Variants in GREB1L observed in about 807,000 individuals in gnomAD.
GREB1L encodes the protein GREB1-like protein.
GREB1L carries 17 observed loss-of-function variants against 200.8 expected under a neutral mutation model. The ratio of observed to expected loss-of-function variants is 0.08; its 90% CI spans 0.06 to 0.13. The LOEUF (loss-of-function observed/expected upper bound fraction) is 0.13. Among genes scored for constraint, GREB1L ranks in the 10% least tolerant of loss-of-function variants. The pLI, the probability that GREB1L is intolerant of heterozygous loss-of-function variation, is 1.00. For missense variants in GREB1L, 1,657 were observed against 2,367.7 expected (o/e 0.70, Z 6.23); for synonymous variants, 789 against 893.0 (o/e 0.88, Z 2.08).
At chr18:21,355,821 A>G (rs999567307) in intron 1 of GREB1L, among the ~76,000 whole-genome samples, 10 of 152,266 alleles carry the variant, frequency 6.6e-5, no homozygotes, top group African/African-American at 2.4e-4. Context: ...ACCTCCCCTT[A>G]TAATCTTCTT....
Position 21,518,086 on chromosome 18 carries a change from A to G in GREB1L, c.5324A>G (p.Asp1775Gly). 1.3e-6 allele frequency: 2 copies of G among 1,551,578 alleles called. No individual in the cohort carries two copies. Among genetic ancestry groups the G allele is most frequent in the Non-Finnish European group, 1.7e-6 (2 of 1,146,914 alleles). ...ILPLQYICAP[D>G]SEHTLLAAPA... is the part of the protein sequence containing the mutation. ...CCCCTTCAATACATCTGTGCTCCCG[A>G]CAGTGAACACACACTACTGGCAGCC... is the stretch of plus-strand genomic sequence containing the variant. Residue 1775 changes from aspartate to glycine, a missense_variant, in exon 31 of 33, where the codon GAC (aspartate) becomes GGC (glycine). By Grantham distance (94) the Asp-to-Gly change is moderately conservative. Coordinates refer to ENST00000424526, the MANE Select transcript of GREB1L (RefSeq NM_001142966.3).
intron 1 of GREB1L, among the ~76,000 whole-genome samples, chr18:21,364,772 TG>T (rs1171833267): frequency 6.6e-6 from 1 of 151,876 alleles, no homozygotes; most frequent in Non-Finnish European, 1.5e-5. Flanking sequence ...ACAGGTGAAG[TG>T]TGCAGCACGT....
At position 21,505,473 on chromosome 18, in the gene GREB1L, C is replaced by T. The variant is rs2036975654; in HGVS notation, c.4134C>T (p.Ser1378=). The change falls in exon 24 of 33, where the codon AGC becomes AGT. Residue 1378 remains serine (S), a synonymous_variant. Transcript: ENST00000424526. Reference sequence around the variant, plus strand: ...GAGAGCCCTGGCCTGACATCGAGAGCTTCAGTAAAATGCCTTTTGATGTCA... The same window carrying T: ...GAGAGCCCTGGCCTGACATCGAGAGTTTCAGTAAAATGCCTTTTGATGTCA... ...SEGEPWPDIE[S]FSKMPFDVSV... is the part of the protein sequence containing the mutation. 6.4e-7 allele frequency: 1 copy of T among 1,551,604 alleles called. No homozygotes were observed.
chr18:21,260,930 G>A (rs2037880081), intron 1 of GREB1L, among the ~76,000 whole-genome samples: 1 of 151,750 alleles, frequency 6.6e-6, no homozygotes, highest in Admixed American at 6.6e-5. Flanking sequence ...TTATACTAAA[G>A]AAAGAAAACC....
At chr18:21,324,524 GCTT>G (rs2038994287) in intron 1 of GREB1L, among the ~76,000 whole-genome samples, 1 of 152,170 alleles carries the variant, frequency 6.6e-6, no homozygotes, top group Non-Finnish European at 1.5e-5. Flanking sequence ...ATTAAAAAAT[GCTT>G]CTGGCCGGGT....
rs2145362012 is a variant in GREB1L at position 21,447,146 on chromosome 18, G to A, written c.1394-2364G>A. 2.0e-5 allele frequency among the ~76,000 whole-genome samples: 3 copies of A among 152,270 alleles called. 1 individual carries two copies. In the South Asian group the frequency reaches 6.2e-4, roughly 32 times the overall value. ...AAAGGCTGAGGATGAGGTACTGGGT[G>A]TGGTGGCTCACGCTTGTAATCTCAG... On this transcript the variant is annotated intron_variant, in intron 11 of 32. Coordinates refer to ENST00000424526, the MANE Select transcript of GREB1L (RefSeq NM_001142966.3).
At chr18:21,268,522 T>TAC (rs773384876) in intron 1 of GREB1L, among the ~76,000 whole-genome samples, 3,377 of 64,740 alleles carry the variant, frequency 0.052, 102 homozygotes, top group Non-Finnish European at 0.075. Context: ...TATATATATA[T>TAC]ACACACACAC....
At chr18:21,468,130 A>G (rs2035339833) in intron 15 of GREB1L, among the ~76,000 whole-genome samples, 1 of 152,226 alleles carries the variant, frequency 6.6e-6, no homozygotes, top group Non-Finnish European at 1.5e-5. Context: ...AAAAAAGCAG[A>G]AAAACCCAAA....
At chr18:21,305,853 C>G (rs1232369262) in intron 1 of GREB1L, among the ~76,000 whole-genome samples, 2 of 152,174 alleles carry the variant, frequency 1.3e-5, no homozygotes, top group Non-Finnish European at 2.9e-5. Flanking sequence ...TCATTCCCAG[C>G]TAGGGGCTTT....
At chr18:21,340,378 C>T (rs2039250929) in intron 1 of GREB1L, among the ~76,000 whole-genome samples, 1 of 149,684 alleles carries the variant, frequency 6.7e-6, no homozygotes, top group South Asian at 2.2e-4. Context: ...TGAGATTGTG[C>T]CACTGCACTC....
chr18:21,450,999 T>C, intron 12 of GREB1L, 24 bp from the exon 13 acceptor site: 1 of 1,549,978 alleles, frequency 6.5e-7, no homozygotes, highest in African/African-American at 1.4e-5. Flanking sequence ...TGATGAGTCT[T>C]CTCTTCTCTC....
chr18:21,454,446 G>A lies in GREB1L; in HGVS notation c.2065G>A (p.Ala689Thr), dbSNP rs907525283. The A allele has an allele frequency of 4.5e-6, 7 of 1,551,544 alleles. No individual in the cohort carries two copies. The highest frequency in any genetic ancestry group is 6.1e-6 in the Non-Finnish European group (7 of 1,146,918). The change falls in exon 15 of 33, where the codon GCG (alanine) becomes ACG (threonine). Residue 689 changes from alanine to threonine, a missense_variant. Physicochemically the swap from Ala to Thr is moderately conservative, Grantham distance 58. Around this residue, in one of 9 missense-constraint regions of GREB1L, gnomAD observed 239 missense variants for 421.8 expected, o/e 0.57. Transcript: ENST00000424526. ...ACTCTTATCCCAGGTGTGTGCTATAGCGGACAGTGGCAGCCAGAGCCTGGA... is the reference window on the plus strand; with the variant it reads ...ACTCTTATCCCAGGTGTGTGCTATAACGGACAGTGGCAGCCAGAGCCTGGA... The part of the protein sequence containing the change: ...RKLLSQVCAI[A>T]DSGSQSLDLG...
chr18:21,357,336 G>C (rs187570919), intron 1 of GREB1L, among the ~76,000 whole-genome samples: 1 of 152,360 alleles, frequency 6.6e-6, no homozygotes, highest in East Asian at 1.9e-4. Flanking sequence ...ACAGGCGTGA[G>C]CCTCTGCGCC....
chr18:21,482,683 A>G (rs1388420970), intron 17 of GREB1L, among the ~76,000 whole-genome samples: 2 of 130,912 alleles, frequency 1.5e-5, no homozygotes, highest in South Asian at 2.5e-4. Flanking sequence ...ATGATCATTG[A>G]AGCAGCTGGT....
chr18:21,393,323 G>T (rs2040906295), intron 4 of GREB1L, among the ~76,000 whole-genome samples: 1 of 152,036 alleles, frequency 6.6e-6, no homozygotes, highest in Admixed American at 6.6e-5. Context: ...TTGAGAGCAA[G>T]TCTCACGCTG....
intron 1 of GREB1L, among the ~76,000 whole-genome samples, chr18:21,313,579 A>G (rs577735329): frequency 3.7e-4 from 57 of 152,320 alleles, no homozygotes; most frequent in South Asian, 1.5e-3. Context: ...CTTTCACCCC[A>G]TGATGTAGGA....
chr18:21,428,330 G>GTT (rs1460650679), intron 7 of GREB1L, among the ~76,000 whole-genome samples: 1 of 47,972 alleles, frequency 2.1e-5, no homozygotes, highest in African/African-American at 8.4e-5. Context: ...TTGTCTTTTT[G>GTT]TCTTTTTTTT....
intron 1 of GREB1L, among the ~76,000 whole-genome samples, chr18:21,337,662 C>G (rs1480823134): frequency 1.3e-5 from 2 of 152,280 alleles, no homozygotes; most frequent in East Asian, 3.9e-4. Flanking sequence ...CTATCTAGTC[C>G]TAAAGTCAGA....
In GREB1L at chr18:21,522,709, T is replaced by C. The variant is rs1333775083; in HGVS notation, c.5660T>C (p.Ile1887Thr). 12 of 1,551,522 alleles carry C rather than the reference T, an allele frequency of 7.7e-6. No homozygotes were observed. The highest frequency in any genetic ancestry group is 5.9e-5 in the Admixed American group (3 of 50,980). ...CQDRSSLRQT[I>T]VRLELEDEWQ... ...GACAGAAGTTCCTTGCGCCAAACAA[T>C]TGTCCGCTTAGAGCTAGAAGATGAG... Residue 1887 changes from isoleucine (I) to threonine (T), a missense_variant, in exon 33 of 33, where the codon ATT (isoleucine) becomes ACT (threonine). Around this residue, in one of 9 missense-constraint regions of GREB1L, gnomAD observed 190 missense variants for 230.2 expected, o/e 0.83. Transcript: ENST00000424526.
Sources: gnomAD v4.1 joint callset for allele counts (sites outside exome capture counted in the v4.1 genomes callset) on GRCh38, gnomAD v4.1.1 for gene constraint, gnomAD v4.1.1 regional missense constraint, MANE v1.5 for transcripts, NCBI Gene and HGNC (gene_info 2026-07-23, HGNC 2026-07-21) for gene names.